OXR1: variants seen among roughly 807,000 people sequenced by gnomAD.
The protein encoded by OXR1 is oxidation resistance protein 1.
In OXR1, 41 loss-of-function variants were observed where a neutral mutation model predicts 104.6. The observed-to-expected ratio is 0.39, with a 90% CI of 0.31 to 0.51. The LOEUF (loss-of-function observed/expected upper bound fraction) is 0.51. Ranked by LOEUF, OXR1 falls within the 20% of genes least tolerant of loss-of-function variation. The probability of loss-of-function intolerance (pLI) is 0.77; values close to 1 mark genes in which losing one functional copy is unlikely to be tolerated. For synonymous variants in OXR1, 348 were observed against 348.4 expected, an observed-to-expected ratio of 1.00 and a Z score of 0.01; for missense variants, 955 against 1,031.9, an observed-to-expected ratio of 0.93 and a Z score of 1.02.
chr8:106,611,419 C>T (rs529775011), intron 3 of OXR1, among the ~76,000 whole-genome samples: 5 of 152,264 alleles, frequency 3.3e-5, no homozygotes, highest in South Asian at 2.1e-4. Flanking sequence ...TAACTCTGTA[C>T]GCATTTCATT....
intron 2 of OXR1, among the ~76,000 whole-genome samples, chr8:106,446,964 CTG>C (rs1820035617): frequency 1.3e-5 from 2 of 152,112 alleles, no homozygotes; most frequent in African/African-American, 4.8e-5. Flanking sequence ...AGAAAGGAAA[CTG>C]AATTTTTGTG....
At chr8:106,573,381 G>A (rs1183286548) in intron 3 of OXR1, among the ~76,000 whole-genome samples, 5 of 125,142 alleles carry the variant, frequency 4.0e-5, no homozygotes, top group Admixed American at 3.2e-4. Context: ...ACACACACAC[G>A]GAAAGCTTGA....
intron 1 of OXR1, among the ~76,000 whole-genome samples, chr8:106,314,044 A>T (rs1216111911): frequency 6.6e-6 from 1 of 152,202 alleles, no homozygotes; most frequent in Admixed American, 6.5e-5. Context: ...TTCTGTCATC[A>T]TACACATTCA....
At chr8:106,287,152 G>C (rs1470857774) in intron 1 of OXR1, among the ~76,000 whole-genome samples, 1 of 151,982 alleles carries the variant, frequency 6.6e-6, no homozygotes, top group Non-Finnish European at 1.5e-5. Context: ...GAAAAACAGA[G>C]GAACTAAAAT....
chr8:106,690,980 C>T (rs566227616), intron 6 of OXR1, among the ~76,000 whole-genome samples: 54 of 151,822 alleles, frequency 3.6e-4, no homozygotes, highest in African/African-American at 1.3e-3. Flanking sequence ...ACAATAAAGC[C>T]AAGGCAAGAA....
chr8:106,563,319 A>G (rs920826571), intron 3 of OXR1, among the ~76,000 whole-genome samples: 6 of 151,988 alleles, frequency 3.9e-5, no homozygotes, highest in Middle Eastern at 3.4e-3. Flanking sequence ...AAAAAAGAAA[A>G]AAAAAGCAGG....
At chr8:106,541,808 C>G (rs1230386380) in intron 3 of OXR1, among the ~76,000 whole-genome samples, 2 of 152,084 alleles carry the variant, frequency 1.3e-5, no homozygotes, top group African/African-American at 4.8e-5. Context: ...AGGGAGGAAG[C>G]AGAGATCTTC....
intron 1 of OXR1, among the ~76,000 whole-genome samples, chr8:106,279,440 G>C (rs576589134): frequency 1.1e-3 from 168 of 152,096 alleles, no homozygotes; most frequent in African/African-American, 3.9e-3. Context: ...AAATATTATG[G>C]GTAAGGTTTT....
At chr8:106,318,357 G>A (rs1170877478) in intron 1 of OXR1, among the ~76,000 whole-genome samples, 1 of 137,154 alleles carries the variant, frequency 7.3e-6, no homozygotes, top group East Asian at 2.2e-4. Context: ...TTAACCTAAA[G>A]GCAAAGTCAT....
At chr8:106,547,973 T>C (rs1815504036) in intron 3 of OXR1, among the ~76,000 whole-genome samples, 1 of 152,190 alleles carries the variant, frequency 6.6e-6, no homozygotes, top group Non-Finnish European at 1.5e-5. Flanking sequence ...TTTCAGTTCA[T>C]TTGGGTATAT....
At position 106,596,219 on chromosome 8, in the gene OXR1, G is replaced by C. The variant is rs374066209; in HGVS notation, c.220+77080G>C. Among the ~76,000 whole-genome samples the C allele has an allele frequency of 2.6e-5, 4 of 152,128 alleles. No individual in the cohort carries two copies. The East Asian group carries it at 7.7e-4, about 29-fold the overall frequency. ...CCCACACTTTGGGAGGCCAAGGTGG[G>C]CAGATCACTTGAGATCAGGAGTTTG... On this transcript the variant is annotated intron_variant, in intron 3 of 16. Coordinates refer to ENST00000517566, the MANE Select transcript of OXR1 (RefSeq NM_001198533.2).
At chr8:106,677,152 G>A (rs1378806677) in intron 3 of OXR1, among the ~76,000 whole-genome samples, 1 of 152,114 alleles carries the variant, frequency 6.6e-6, no homozygotes, top group East Asian at 1.9e-4. Flanking sequence ...ATCTGTAATT[G>A]TATATTGCAT....
intron 6 of OXR1, among the ~76,000 whole-genome samples, chr8:106,686,905 A>T (rs1167137082): frequency 6.6e-6 from 1 of 152,206 alleles, no homozygotes; most frequent in African/African-American, 2.4e-5. Flanking sequence ...AGGAGATAGA[A>T]CCAAAGTAAT....
At chr8:106,323,585 G>T (rs933088092) in intron 1 of OXR1, among the ~76,000 whole-genome samples, 2 of 152,168 alleles carry the variant, frequency 1.3e-5, no homozygotes, top group Non-Finnish European at 2.9e-5. Context: ...CCTGCAGAAT[G>T]GGAGAGAATA....
At chr8:106,625,990 T>C (rs753823799) in intron 3 of OXR1, among the ~76,000 whole-genome samples, 2 of 151,890 alleles carry the variant, frequency 1.3e-5, no homozygotes, top group African/African-American at 2.4e-5. Context: ...GTATAATTTT[T>C]AGAATTAAAA....
At chr8:106,335,765 A>T (rs1814935201) in intron 1 of OXR1, among the ~76,000 whole-genome samples, 1 of 152,074 alleles carries the variant, frequency 6.6e-6, no homozygotes, top group South Asian at 2.1e-4. Flanking sequence ...TGATTTTTTA[A>T]TTCAGATAAT....
intron 2 of OXR1, among the ~76,000 whole-genome samples, chr8:106,365,295 A>C (rs1816421665): frequency 6.6e-6 from 1 of 152,122 alleles, no homozygotes; most frequent in African/African-American, 2.4e-5. Context: ...GGTACTGAGA[A>C]GAGAGTGGGT....
At chr8:106,582,337 A>T (rs962266365) in intron 3 of OXR1, among the ~76,000 whole-genome samples, 1 of 151,932 alleles carries the variant, frequency 6.6e-6, no homozygotes, top group Non-Finnish European at 1.5e-5. Flanking sequence ...TAGGAGTAAG[A>T]GTTAAGAATA....
chr8:106,273,458 G>T (rs1811900982), intron 1 of OXR1, among the ~76,000 whole-genome samples: 1 of 152,180 alleles, frequency 6.6e-6, no homozygotes, highest in Non-Finnish European at 1.5e-5. Flanking sequence ...GACATTTTTG[G>T]TTGTCACAAC....
Sources: allele counts gnomAD v4.1 joint callset (sites outside exome capture counted in the v4.1 genomes callset), GRCh38; gene constraint gnomAD v4.1.1; transcripts MANE v1.5; gene names NCBI Gene and HGNC (gene_info 2026-07-23, HGNC 2026-07-21).